The following GBF1 variants were observed in gnomAD, a reference collection of about 807,000 sequenced individuals.
GBF1 encodes the protein Golgi-specific brefeldin A-resistance guanine nucleotide exchange factor 1.
GBF1 carries 114 observed loss-of-function variants against 210.5 expected under a neutral mutation model. The ratio of observed to expected loss-of-function variants is 0.54; its 90% CI spans 0.47 to 0.63. The LOEUF (loss-of-function observed/expected upper bound fraction) is 0.63. Among genes scored for constraint, GBF1 ranks in the 30% least tolerant of loss-of-function variants. GBF1 has a pLI of 0.00. For synonymous variants in GBF1, 850 were observed against 889.2 expected, an observed-to-expected ratio of 0.96 and a Z score of 0.78; for missense variants, 1,851 against 2,357.7, an observed-to-expected ratio of 0.79 and a Z score of 4.45.
At chr10:102,259,813 G>C (rs113542216) in intron 2 of GBF1, among the ~76,000 whole-genome samples, 168 of 152,282 alleles carry the variant, frequency 1.1e-3, no homozygotes, top group African/African-American at 3.7e-3. Flanking sequence ...GAGTGTTATG[G>C]TGATGATATA....
Position 102,363,719 on chromosome 10 carries a change from A to T in GBF1, c.2027A>T (p.Lys676Met). 1 of 1,610,538 alleles carries T rather than the reference A, an allele frequency of 6.2e-7. No homozygotes were observed. The highest frequency in any genetic ancestry group is 1.1e-5 in the South Asian group (1 of 90,998). The change falls in exon 17 of 40, where the codon AAG (lysine) becomes ATG (methionine). Residue 676 changes from lysine (K) to methionine (M), a missense_variant. Around this residue, in one of 3 missense-constraint regions of GBF1, gnomAD observed 804 missense variants for 958.6 expected, o/e 0.84. Transcript: ENST00000369983. The surrounding 1 kb of genome is among the most constrained non-coding windows in gnomAD (Gnocchi z 4.2). ...EEAVDSGADK[K>M]FARKPPRFSC... ...TTCTTCCTACTCCTAGCTGACAAAA[A>T]GTTTGCCCGGAAGCCACCCCGATTT...
intron 17 of GBF1, among the ~76,000 whole-genome samples, chr10:102,364,217 C>CTTTTTTTTT (rs1031275118): frequency 1.5e-5 from 1 of 66,940 alleles, no homozygotes; most frequent in Non-Finnish European, 2.8e-5. Flanking sequence ...CTTTGGATTT[C>CTTTTTTTTT]TTTTTTTTTT....
intron 30 of GBF1, 138 bp from the exon 31 acceptor site, chr10:102,376,134 C>A: frequency 1.5e-6 from 1 of 661,194 alleles, no homozygotes; most frequent in Non-Finnish European, 2.6e-6. Context: ...ATCCTTTGGC[C>A]CTCTGGTGAC....
intron 3 of GBF1, among the ~76,000 whole-genome samples, chr10:102,296,046 C>T (rs1446234246): frequency 1.3e-5 from 2 of 152,040 alleles, no homozygotes; most frequent in African/African-American, 4.8e-5. Flanking sequence ...AAATAAAACA[C>T]AATATAATAC....
intron 3 of GBF1, among the ~76,000 whole-genome samples, chr10:102,275,292 A>C (rs957680108): frequency 6.6e-6 from 1 of 152,222 alleles, no homozygotes; most frequent in African/African-American, 2.4e-5. Context: ...CTTTAGCCCA[A>C]GGGTCTCATG....
chr10:102,348,086 A>G (rs1176409363), intron 4 of GBF1, among the ~76,000 whole-genome samples: 1 of 151,886 alleles, frequency 6.6e-6, no homozygotes, highest in Admixed American at 6.6e-5. Flanking sequence ...ACAGGCATGC[A>G]CCACCACGCC....
chr10:102,233,524 G>C, the GBF1 span, among the ~76,000 whole-genome samples: 187 of 151,906 alleles, frequency 1.2e-3, 1 homozygote, highest in Non-Finnish European at 2.2e-3. Flanking sequence ...GGCTGGTCTC[G>C]AACTCCTCAT....
At chr10:102,367,607 AC>A in intron 21 of GBF1, 47 bp downstream of exon 21, 3 of 1,089,136 alleles carry the variant, frequency 2.8e-6, no homozygotes, top group South Asian at 1.2e-5. Flanking sequence ...AAGAAGAAGC[AC>A]ATTGCTTCCT....
intron 12 of GBF1, 90 bp from the exon 13 acceptor site, chr10:102,360,932 G>C: frequency 1.4e-6 from 1 of 716,022 alleles, no homozygotes; most frequent in Non-Finnish European, 2.5e-6. Context: ...CTGAGATTGC[G>C]CCACTGCACT....
chr10:102,345,284 A>C (rs1012702720), intron 4 of GBF1, among the ~76,000 whole-genome samples: 4 of 148,848 alleles, frequency 2.7e-5, no homozygotes, highest in Non-Finnish European at 6.0e-5. Context: ...TCTGTCTCAA[A>C]AAAAAAAAAA....
chr10:102,350,142 G>A (rs2058846939), intron 4 of GBF1, among the ~76,000 whole-genome samples: 2 of 152,054 alleles, frequency 1.3e-5, no homozygotes, highest in African/African-American at 4.8e-5. Flanking sequence ...CTGAGGTCGG[G>A]AGTTCGAGAC....
chr10:102,251,482 G>C (rs930834247), intron 1 of GBF1, among the ~76,000 whole-genome samples: 1 of 152,130 alleles, frequency 6.6e-6, no homozygotes, highest in African/African-American at 2.4e-5. Flanking sequence ...CCCTGAGATA[G>C]AGCCTGATAG....
At chr10:102,259,742 T>A (rs963486382) in intron 2 of GBF1, among the ~76,000 whole-genome samples, 1 of 152,172 alleles carries the variant, frequency 6.6e-6, no homozygotes, top group Non-Finnish European at 1.5e-5. Flanking sequence ...ATAGTGGGTA[T>A]GAAAAGGGAG....
intron 3 of GBF1, among the ~76,000 whole-genome samples, chr10:102,297,276 TG>T (rs1427481012): frequency 6.6e-6 from 1 of 152,206 alleles, no homozygotes; most frequent in African/African-American, 2.4e-5. Context: ...TGTACAGACT[TG>T]CCAGCTATTG....
chr10:102,241,491 G>A (rs2070536432), upstream of GBF1: 2 of 152,458 alleles, frequency 1.3e-5, no homozygotes, highest in African/African-American at 4.8e-5. This position sits in a 1 kb window ranked among gnomAD's most constrained non-coding sequence, Gnocchi z 6.7. Flanking sequence ...CTCGGAGGGA[G>A]TGAGCCTCAC....
intron 37 of GBF1, 44 bp downstream of exon 37, chr10:102,380,406 G>A: frequency 6.3e-7 from 1 of 1,578,052 alleles, no homozygotes; most frequent in Non-Finnish European, 8.7e-7. Context: ...TGTCCCACCT[G>A]TTGGAAGGAC....
chr10:102,355,680 A>G (rs1325791144), intron 8 of GBF1, among the ~76,000 whole-genome samples: 2 of 152,236 alleles, frequency 1.3e-5, no homozygotes, highest in Non-Finnish European at 2.9e-5. Flanking sequence ...AGGAATCTCA[A>G]TGACTGACTG....
chr10:102,357,436 G>A (rs567300743), intron 8 of GBF1, among the ~76,000 whole-genome samples: 1 of 150,784 alleles, frequency 6.6e-6, no homozygotes, highest in East Asian at 1.9e-4. Context: ...GCAGTGAGCT[G>A]AGATCGTGCC....
At chr10:102,292,778 C>T (rs548832487) in intron 3 of GBF1, among the ~76,000 whole-genome samples, 93 of 152,200 alleles carry the variant, frequency 6.1e-4, no homozygotes, top group Non-Finnish European at 1.1e-3. Flanking sequence ...AATGTCATTA[C>T]AATTTTAATG....
Sources: allele counts gnomAD v4.1 joint callset (sites outside exome capture counted in the v4.1 genomes callset), GRCh38; gene constraint gnomAD v4.1.1; regional missense constraint gnomAD v4.1.1; non-coding constraint Gnocchi (gnomAD v3.1); transcripts MANE v1.5; gene names NCBI Gene and HGNC (gene_info 2026-07-23, HGNC 2026-07-21).